The following RALYL variants were observed in gnomAD, a reference collection of about 807,000 sequenced individuals.
RALYL encodes the protein RNA-binding Raly-like protein.
Under a neutral mutation model 35.1 loss-of-function variants are expected in RALYL, and 29 were observed. The ratio of observed to expected loss-of-function variants is 0.83; its 90% CI spans 0.61 to 1.13. The LOEUF (loss-of-function observed/expected upper bound fraction) is 1.13. Ranked by LOEUF, RALYL falls within the 50% of genes most tolerant of loss-of-function variation. RALYL has a pLI of 0.00. For synonymous variants in RALYL, 120 were observed against 127.6 expected (o/e 0.94, Z 0.40); for missense variants, 359 against 360.4 (o/e 1.00, Z 0.03).
At chr8:84,342,842 A>T (rs1046377055) in intron 1 of RALYL, among the ~76,000 whole-genome samples, 1 of 152,060 alleles carries the variant, frequency 6.6e-6, no homozygotes, top group Non-Finnish European at 1.5e-5. Context: ...GTAATCACTA[A>T]ATATAATGAG....
chr8:84,869,788 A>T (rs868761051), intron 6 of RALYL, among the ~76,000 whole-genome samples: 2 of 152,212 alleles, frequency 1.3e-5, no homozygotes, highest in Non-Finnish European at 1.5e-5. Flanking sequence ...AAAGATGATT[A>T]AAATAAATTG....
intron 1 of RALYL, among the ~76,000 whole-genome samples, chr8:84,400,705 G>A (rs1219291839): frequency 6.6e-6 from 1 of 152,010 alleles, no homozygotes; most frequent in Non-Finnish European, 1.5e-5. Flanking sequence ...TGTAAATTTT[G>A]GACATGAAAA....
chr8:84,400,505 C>T (rs1007797801), intron 1 of RALYL, among the ~76,000 whole-genome samples: 2 of 152,028 alleles, frequency 1.3e-5, no homozygotes, highest in South Asian at 2.1e-4. Context: ...TTGAAGGGGC[C>T]AACAAAATGT....
rs542486625 is a variant in RALYL, at chr8:84,321,867, A to G, written c.-24+137443A>G. Among the ~76,000 whole-genome samples, 3 of 152,270 alleles carry G rather than the reference A, an allele frequency of 2.0e-5. No individual in the cohort carries two copies. The South Asian group carries it at 6.2e-4, about 32-fold the overall frequency. On this transcript the variant is annotated intron_variant, in intron 1 of 8. Transcript: ENST00000521268. ...TATGCCATGGTCAAAAGAAAGCTGA[A>G]GTATCTATTATGATTTTAGAGAAAA... is the stretch of plus-strand genomic sequence containing the variant.
intron 2 of RALYL, among the ~76,000 whole-genome samples, chr8:84,698,112 G>A (rs538366856): frequency 2.6e-5 from 4 of 151,974 alleles, no homozygotes; most frequent in Non-Finnish European, 4.4e-5. Context: ...GCTCACAAAC[G>A]TACACACTCC....
intron 6 of RALYL, chr8:84,872,996 T>C (rs753161188): frequency 2.8e-5 from 7 of 251,520 alleles, no homozygotes; most frequent in Admixed American, 1.1e-4. Context: ...TTTAGCATCA[T>C]TGGGTTATTT....
chr8:84,346,778 G>T (rs1849913245), intron 1 of RALYL, among the ~76,000 whole-genome samples: 1 of 152,002 alleles, frequency 6.6e-6, no homozygotes, highest in African/African-American at 2.4e-5. Flanking sequence ...CCAGAATATT[G>T]ATTTTATTGG....
chr8:84,882,378 CA>C (rs1842305264), intron 7 of RALYL, among the ~76,000 whole-genome samples: 1 of 152,004 alleles, frequency 6.6e-6, no homozygotes, highest in Non-Finnish European at 1.5e-5. Flanking sequence ...AATATAAACA[CA>C]AACAATTTTC....
chr8:84,568,152 A>C, intron 2 of RALYL, among the ~76,000 whole-genome samples: 1 of 145,916 alleles, frequency 6.9e-6, no homozygotes, highest in African/African-American at 2.5e-5. Flanking sequence ...GCACCCATTA[A>C]CTCGTCATTT....
intron 7 of RALYL, among the ~76,000 whole-genome samples, chr8:84,886,851 A>G (rs1842981807): frequency 6.6e-6 from 1 of 152,206 alleles, no homozygotes; most frequent in South Asian, 2.1e-4. Flanking sequence ...TTGATTCACT[A>G]TACCAAACCC....
At position 84,240,668 on chromosome 8, in the gene RALYL, C is replaced by G. The variant is rs1438617723; in HGVS notation, c.-24+56244C>G. Among the ~76,000 whole-genome samples, 3 of 152,066 alleles carry G rather than the reference C, an allele frequency of 2.0e-5. No individual in the cohort carries two copies. The East Asian group carries it at 5.8e-4, about 29-fold the overall frequency. On this transcript the variant is annotated intron_variant, in intron 1 of 8. Coordinates refer to ENST00000521268, the MANE Select transcript of RALYL (RefSeq NM_173848.7). ...ATAAAAAAAGTTCTCATGGAAAGAC[C>G]AACTTGAATTAGGCATTTCTAAGAA...
intron 2 of RALYL, among the ~76,000 whole-genome samples, chr8:84,542,989 T>C (rs2060117183): frequency 6.6e-6 from 1 of 152,164 alleles, no homozygotes; most frequent in Non-Finnish European, 1.5e-5. Flanking sequence ...ACATTTTGAC[T>C]CCATTGAAAG....
intron 1 of RALYL, among the ~76,000 whole-genome samples, chr8:84,478,381 T>G (rs1446973427): frequency 1.3e-5 from 2 of 152,152 alleles, no homozygotes; most frequent in Non-Finnish European, 2.9e-5. Context: ...TATAATGTGC[T>G]CTGACAGAAG....
chr8:84,288,052 C>G (rs1838002791), intron 1 of RALYL, among the ~76,000 whole-genome samples: 2 of 152,192 alleles, frequency 1.3e-5, no homozygotes, highest in South Asian at 4.2e-4. Context: ...TAAATAAAGC[C>G]CACAGGCTGA....
intron 1 of RALYL, among the ~76,000 whole-genome samples, chr8:84,390,028 C>A (rs1419786424): frequency 2.0e-5 from 3 of 152,026 alleles, no homozygotes; most frequent in South Asian, 4.1e-4. Context: ...ATCAATACCT[C>A]ATTTATTGAC....
At chr8:84,464,166 GT>G (rs1554678006) in intron 1 of RALYL, among the ~76,000 whole-genome samples, 1 of 144,464 alleles carries the variant, frequency 6.9e-6, no homozygotes, top group Non-Finnish European at 1.5e-5. Flanking sequence ...TATACTTTAA[GT>G]TTTAGGGTAC....
chr8:84,798,052 A>G (rs1451699954), intron 3 of RALYL, among the ~76,000 whole-genome samples: 4 of 152,138 alleles, frequency 2.6e-5, no homozygotes, highest in African/African-American at 4.8e-5. Context: ...AGTGAGCCCA[A>G]ATAAATATTC....
intron 1 of RALYL, among the ~76,000 whole-genome samples, chr8:84,204,508 T>C (rs1200498234): frequency 1.3e-5 from 2 of 152,224 alleles, no homozygotes; most frequent in Non-Finnish European, 2.9e-5. Context: ...TCTACCAGTA[T>C]GCTTTTGCAT....
intron 1 of RALYL, among the ~76,000 whole-genome samples, chr8:84,522,141 C>T (rs956110550): frequency 6.6e-6 from 1 of 151,968 alleles, no homozygotes; most frequent in Non-Finnish European, 1.5e-5. Context: ...AAATCTCTTA[C>T]ATTAATCAGT....
Sources: allele counts gnomAD v4.1 joint callset (sites outside exome capture counted in the v4.1 genomes callset), GRCh38; gene constraint gnomAD v4.1.1; transcripts MANE v1.5; gene names NCBI Gene and HGNC (gene_info 2026-07-23, HGNC 2026-07-21).